TRAPPC8: variants seen among roughly 807,000 people sequenced by gnomAD.
TRAPPC8 encodes trafficking protein particle complex subunit 8.
TRAPPC8 carries 54 observed loss-of-function variants against 174.3 expected under a neutral mutation model. The observed-to-expected ratio is 0.31, with a 90% confidence interval of 0.25 to 0.39. The LOEUF (loss-of-function observed/expected upper bound fraction) is 0.39. Ranked by LOEUF, TRAPPC8 falls within the 10% of genes least tolerant of loss-of-function variation. TRAPPC8 has a pLI of 1.00. For missense variants in TRAPPC8, 1,531 were observed against 1,699.1 expected (o/e 0.90, Z 1.74); for synonymous variants, 630 against 579.9 (o/e 1.09, Z -1.24).
At chr18:31,852,318 C>G (rs1214199872) in intron 24 of TRAPPC8, 128 bp downstream of exon 24, 1 of 993,488 alleles carries the variant, frequency 1.0e-6, no homozygotes, top group Non-Finnish European at 1.5e-6. Flanking sequence ...TCCTGGGAGA[C>G]AGAGCAAGAC....
chr18:31,924,063 C>T (rs2145586213), intron 2 of TRAPPC8, among the ~76,000 whole-genome samples: 1 of 151,986 alleles, frequency 6.6e-6, no homozygotes, highest in African/African-American at 2.4e-5. Context: ...GTGGGTGGAT[C>T]ACCTGATGTC....
At chr18:31,844,609 G>A (rs1448602765) in intron 26 of TRAPPC8, 5 of 151,904 alleles carry the variant, frequency 3.3e-5, no homozygotes, top group African/African-American at 1.2e-4. Context: ...CCACCTGTCA[G>A]GAGGAAAGCA....
rs1448609351 is a variant in TRAPPC8, at chr18:31,830,063, A to G, written c.*692T>C. The G allele has an allele frequency of 6.5e-6, 1 of 152,674 alleles. No individual in the cohort carries two copies. The highest frequency in any genetic ancestry group is 2.4e-5 in the African/African-American group (1 of 41,470). 9.5% of individuals were successfully genotyped at this position (152,674 alleles called of 1,614,324 possible). ...TTTAAACAGATCAACTCAATAGTTA[A>G]CGTTATATAATAAAGAATATGGTAA... On this transcript the variant is annotated 3_prime_UTR_variant, in exon 29 of 29. Coordinates refer to ENST00000283351, the MANE Select transcript of TRAPPC8 (RefSeq NM_014939.5).
intron 11 of TRAPPC8, chr18:31,896,293 C>G (rs746086934): frequency 3.3e-5 from 5 of 151,802 alleles, no homozygotes; most frequent in Non-Finnish European, 7.4e-5. Context: ...TAAGAAAAAC[C>G]AACAACAAAA....
In TRAPPC8 at chr18:31,868,349, A is replaced by G. The variant is rs2034684705; in HGVS notation, c.2389-873T>C. Among the ~76,000 whole-genome samples the G allele has an allele frequency of 3.9e-5, 6 of 152,122 alleles. No individual in the cohort carries two copies. The South Asian group carries it at 1.2e-3, about 31-fold the overall frequency. On this transcript the variant is annotated intron_variant, in intron 16 of 28. Coordinates refer to ENST00000283351, the MANE Select transcript of TRAPPC8 (RefSeq NM_014939.5). ...ATTTCTTAGTCATGAAAAAATCCAG[A>G]GTTTGCAATTTATAGAAAAATATTA...
In TRAPPC8 at chr18:31,829,264, A is replaced by G. The variant is rs2144888619; in HGVS notation, c.*1491T>C. 1 of 152,242 alleles carries G rather than the reference A, an allele frequency of 6.6e-6. No homozygotes were observed. Among genetic ancestry groups the G allele is most frequent in the East Asian group, 1.9e-4 (1 of 5,192 alleles). The allele number at this position is 152,242 out of a possible 1,614,324, so 9.4% of individuals were successfully genotyped here. Reference sequence around the variant, plus strand: ...TAGGTTTATATAGTTTAATTTTTTTATTAGTGTCTGTTTAACAATCGGTTC... The same window carrying G: ...TAGGTTTATATAGTTTAATTTTTTTGTTAGTGTCTGTTTAACAATCGGTTC... On this transcript the variant is annotated 3_prime_UTR_variant, in exon 29 of 29. Transcript: ENST00000283351.
intron 21 of TRAPPC8, among the ~76,000 whole-genome samples, chr18:31,854,965 CAAAAAAAAAAA>C (rs71175798): frequency 2.2e-5 from 1 of 45,648 alleles, no homozygotes; most frequent in African/African-American, 9.6e-5. Flanking sequence ...GACTCCATCT[CAAAAAAAAAAA>C]AAAAAAAAAA....
At chr18:31,904,495 G>A (rs918142137) in intron 9 of TRAPPC8, among the ~76,000 whole-genome samples, 2 of 152,080 alleles carry the variant, frequency 1.3e-5, no homozygotes, top group Admixed American at 1.3e-4. Flanking sequence ...TCACTTTTAA[G>A]ACAAACAAAT....
intron 26 of TRAPPC8, among the ~76,000 whole-genome samples, chr18:31,841,649 T>G (rs1210029299): frequency 1.3e-5 from 2 of 152,210 alleles, no homozygotes; most frequent in Non-Finnish European, 2.9e-5. Context: ...CTGCTAATCA[T>G]ATGACTTAAA....
intron 4 of TRAPPC8, 76 bp from the exon 5 acceptor site, chr18:31,913,598 C>A: frequency 1.8e-6 from 2 of 1,091,752 alleles, no homozygotes; most frequent in Non-Finnish European, 2.4e-6. Context: ...TAAAGTAGTA[C>A]AAAAATAACA....
chr18:31,911,939 A>C (rs2036930408), intron 5 of TRAPPC8, among the ~76,000 whole-genome samples: 1 of 151,858 alleles, frequency 6.6e-6, no homozygotes, highest in Non-Finnish European at 1.5e-5. Context: ...TGAACTAAGC[A>C]TAGGAACTTG....
chr18:31,856,295 G>T (rs1017245289), intron 20 of TRAPPC8, among the ~76,000 whole-genome samples: 3 of 151,984 alleles, frequency 2.0e-5, no homozygotes, highest in African/African-American at 7.3e-5. Context: ...AGTAGAGATG[G>T]GGTTTCGCCA....
At chr18:31,855,985 C>G (rs2033986500) in intron 20 of TRAPPC8, among the ~76,000 whole-genome samples, 178 bp from the exon 21 acceptor site, 2 of 152,190 alleles carry the variant, frequency 1.3e-5, no homozygotes, top group African/African-American at 4.8e-5. Context: ...TCAATTCTTT[C>G]TATCCAATTT....
At chr18:31,918,750 A>C (rs7233820) in intron 2 of TRAPPC8, among the ~76,000 whole-genome samples, 39,272 of 152,122 alleles carry the variant, frequency 0.26, 5,367 homozygotes, top group Middle Eastern at 0.38. Flanking sequence ...TGTTTGTATA[A>C]ATGTATATAA....
At chr18:31,837,721 G>A (rs2032837828) in intron 27 of TRAPPC8, among the ~76,000 whole-genome samples, 1 of 147,732 alleles carries the variant, frequency 6.8e-6, no homozygotes, top group African/African-American at 2.6e-5. Context: ...AAAAGAAAAA[G>A]AAGAAGAAGA....
chr18:31,926,151 C>G (rs1034923422), intron 2 of TRAPPC8, among the ~76,000 whole-genome samples: 3 of 152,102 alleles, frequency 2.0e-5, no homozygotes, highest in African/African-American at 7.2e-5. Flanking sequence ...CAGCTTTTTT[C>G]TAATCAATCC....
chr18:31,893,162 C>A (rs769312333), intron 11 of TRAPPC8, among the ~76,000 whole-genome samples: 3 of 151,748 alleles, frequency 2.0e-5, no homozygotes, highest in African/African-American at 7.3e-5. Flanking sequence ...TGGTTTGTTG[C>A]GATTTTCTGC....
intron 12 of TRAPPC8, 120 bp downstream of exon 12, chr18:31,890,615 A>G (rs2035912307): frequency 2.7e-6 from 3 of 1,131,134 alleles, no homozygotes; most frequent in Non-Finnish European, 3.6e-6. Flanking sequence ...CGCCCTTACC[A>G]ATACATTACC....
chr18:31,835,262 T>C (rs747905662), intron 27 of TRAPPC8, among the ~76,000 whole-genome samples: 1 of 152,134 alleles, frequency 6.6e-6, no homozygotes, highest in Non-Finnish European at 1.5e-5. Context: ...TCATCTGCTG[T>C]ATCGGTCAAG....
Sources: gnomAD v4.1 joint callset for allele counts (sites outside exome capture counted in the v4.1 genomes callset) on GRCh38, gnomAD v4.1.1 for gene constraint, MANE v1.5 for transcripts, NCBI Gene and HGNC (gene_info 2026-07-23, HGNC 2026-07-21) for gene names.